Variants in GUCY1A2 observed in about 807,000 individuals in gnomAD.
The protein encoded by GUCY1A2 is guanylate cyclase 1 soluble subunit alpha 2, also known as guanylate cyclase soluble subunit alpha-2.
GUCY1A2 carries 27 observed loss-of-function variants against 63.5 expected under a neutral mutation model. The ratio of observed to expected loss-of-function variants is 0.43; its 90% CI spans 0.31 to 0.59. The LOEUF (loss-of-function observed/expected upper bound fraction) is 0.59, where lower values mean the gene tolerates loss of function less well. Ranked by LOEUF, GUCY1A2 falls within the 20% of genes least tolerant of loss-of-function variation. The probability of loss-of-function intolerance (pLI) is 0.11; values close to 1 mark genes in which losing one functional copy is unlikely to be tolerated. For synonymous variants in GUCY1A2, 364 were observed against 343.5 expected (o/e 1.06, Z -0.66); for missense variants, 768 against 913.3 (o/e 0.84, Z 2.05).
chr11:107,017,444 A>C (rs1337933636), intron 1 of GUCY1A2, among the ~76,000 whole-genome samples: 2 of 152,172 alleles, frequency 1.3e-5, no homozygotes, highest in Non-Finnish European at 2.9e-5. Flanking sequence ...GTGAAGCAGC[A>C]CTGGGGCTGT....
intron 1 of GUCY1A2, among the ~76,000 whole-genome samples, chr11:106,994,581 TACTC>T (rs1185794091): frequency 6.6e-6 from 1 of 152,216 alleles, no homozygotes; most frequent in Non-Finnish European, 1.5e-5. Flanking sequence ...TCCTATTAGA[TACTC>T]ACAACAATCT....
At chr11:106,964,053 G>T (rs1028301190) in intron 3 of GUCY1A2, among the ~76,000 whole-genome samples, 1 of 149,586 alleles carries the variant, frequency 6.7e-6, no homozygotes. Flanking sequence ...ACATACACAC[G>T]TATACACACA....
At chr11:106,946,618 G>T (rs1198398620) in intron 3 of GUCY1A2, among the ~76,000 whole-genome samples, 1 of 152,012 alleles carries the variant, frequency 6.6e-6, no homozygotes, top group Non-Finnish European at 1.5e-5. Context: ...GTGATAAACA[G>T]AATAAAAAGA....
intron 6 of GUCY1A2, among the ~76,000 whole-genome samples, chr11:106,729,356 T>C (rs937301660): frequency 6.6e-6 from 1 of 152,154 alleles, no homozygotes; most frequent in Non-Finnish European, 1.5e-5. Flanking sequence ...ATTACCTGTT[T>C]GTGTAAAAAG....
chr11:106,866,033 C>A (rs941220487), intron 4 of GUCY1A2, among the ~76,000 whole-genome samples: 1 of 151,802 alleles, frequency 6.6e-6, no homozygotes, highest in Non-Finnish European at 1.5e-5. Flanking sequence ...AAATGCTGAA[C>A]ACATATGTGT....
At chr11:106,959,841 C>T (rs1861037157) in intron 3 of GUCY1A2, among the ~76,000 whole-genome samples, 1 of 152,178 alleles carries the variant, frequency 6.6e-6, no homozygotes, top group Non-Finnish European at 1.5e-5. Flanking sequence ...GTACTTACTA[C>T]CTTTCATGAG....
chr11:106,773,979 T>C (rs1864305220), intron 6 of GUCY1A2, among the ~76,000 whole-genome samples: 1 of 152,170 alleles, frequency 6.6e-6, no homozygotes, highest in African/African-American at 2.4e-5. Flanking sequence ...TTTTATAATA[T>C]GAATTTTTAC....
chr11:106,809,869 T>C (rs1858740738), intron 5 of GUCY1A2, 124 bp downstream of exon 5: 4 of 631,530 alleles, frequency 6.3e-6, no homozygotes, highest in Admixed American at 6.1e-5. Flanking sequence ...GTATTATCTA[T>C]AAAATTTCTA....
chr11:106,818,720 G>A (rs1276317938), intron 4 of GUCY1A2, among the ~76,000 whole-genome samples: 2 of 152,086 alleles, frequency 1.3e-5, no homozygotes, highest in Admixed American at 1.3e-4. Context: ...AAAATGAAAG[G>A]TTCTTGAAGG....
intron 4 of GUCY1A2, among the ~76,000 whole-genome samples, chr11:106,901,637 T>G (rs1860134510): frequency 8.7e-6 from 1 of 114,728 alleles, no homozygotes; most frequent in Non-Finnish European, 1.8e-5. Context: ...AATCTTTCCC[T>G]CCCCCCACCC....
intron 3 of GUCY1A2, among the ~76,000 whole-genome samples, chr11:106,976,956 T>C (rs546350037): frequency 6.6e-6 from 1 of 151,968 alleles, no homozygotes; most frequent in African/African-American, 2.4e-5. Flanking sequence ...ACCCAGGGTT[T>C]CTCTCCGTGG....
chr11:106,850,452 C>G (rs1859336959), intron 4 of GUCY1A2, among the ~76,000 whole-genome samples: 1 of 151,716 alleles, frequency 6.6e-6, no homozygotes, highest in Admixed American at 6.6e-5. Context: ...CCCATTCCAC[C>G]TATCTAGCTG....
chr11:106,961,545 G>A (rs538007324), intron 3 of GUCY1A2, among the ~76,000 whole-genome samples: 4 of 152,218 alleles, frequency 2.6e-5, no homozygotes, highest in South Asian at 2.1e-4. Flanking sequence ...AAGGTCAACC[G>A]AATCTAGTAC....
chr11:106,787,999 C>T (rs1464670945), intron 5 of GUCY1A2, among the ~76,000 whole-genome samples: 2 of 152,138 alleles, frequency 1.3e-5, no homozygotes, highest in Non-Finnish European at 2.9e-5. Flanking sequence ...TACATTCCCA[C>T]CAACAATGTA....
chr11:106,760,746 T>C (rs1864052115), intron 6 of GUCY1A2, among the ~76,000 whole-genome samples: 2 of 152,142 alleles, frequency 1.3e-5, no homozygotes, highest in Admixed American at 1.3e-4. Flanking sequence ...TTTTCCTCCT[T>C]TTACAAGCTA....
chr11:106,939,976 G>C lies in GUCY1A2; in HGVS notation c.690C>G (p.Leu230=), dbSNP rs750319164. The change falls in exon 4 of 8, where the codon CTC becomes CTG. Residue 230 remains leucine (L), a synonymous_variant. Transcript: ENST00000526355. ...LESPSFLCKE[L]PEGTLMLHYF... ...AGTGGAGCATGAGAGTACCTTCAGG[G>C]AGCTCTTTGCATAGGAAAGATGGTG... The C allele has an allele frequency of 6.2e-7, 1 of 1,613,830 alleles. No individual in the cohort carries two copies. Among genetic ancestry groups the C allele is most frequent in the Non-Finnish European group, 8.5e-7 (1 of 1,179,928 alleles).
intron 4 of GUCY1A2, among the ~76,000 whole-genome samples, chr11:106,883,597 AATG>A (rs1412290461): frequency 6.6e-6 from 1 of 152,150 alleles, no homozygotes; most frequent in East Asian, 1.9e-4. Flanking sequence ...TCTCTGAACA[AATG>A]ATAATTACAT....
chr11:106,869,486 A>T lies in GUCY1A2; in HGVS notation c.1207-59008T>A, dbSNP rs539972934. ...GCTTCTCAAAAGAAGACATTTATGC[A>T]GCCAACAGACACATGAAAAAATGCT... On this transcript the variant is annotated intron_variant, in intron 4 of 7. Transcript: ENST00000526355. Among the ~76,000 whole-genome samples, 233 of 152,342 alleles carry T rather than the reference A, an allele frequency of 1.5e-3. 1 individual carries two copies. The highest frequency in any genetic ancestry group is 5.3e-3 in the African/African-American group (221 of 41,592).
chr11:106,889,257 T>C (rs1364472059), intron 4 of GUCY1A2, among the ~76,000 whole-genome samples: 1 of 152,174 alleles, frequency 6.6e-6, no homozygotes, highest in Non-Finnish European at 1.5e-5. Context: ...TGGTATATTT[T>C]TAAAAAATGT....
Sources: allele counts gnomAD v4.1 joint callset (sites outside exome capture counted in the v4.1 genomes callset), GRCh38; gene constraint gnomAD v4.1.1; transcripts MANE v1.5; gene names NCBI Gene and HGNC (gene_info 2026-07-23, HGNC 2026-07-21).